The following ZBTB20 variants were observed in gnomAD, a reference collection of about 807,000 sequenced individuals.
ZBTB20 encodes zinc finger and BTB domain-containing protein 20.
In ZBTB20, 9 loss-of-function variants were observed where a neutral mutation model predicts 56.9. The ratio of observed to expected loss-of-function variants is 0.16; its 90% confidence interval spans 0.10 to 0.28. The LOEUF (loss-of-function observed/expected upper bound fraction) is 0.28, where lower values mean the gene tolerates loss of function less well. Ranked by LOEUF, ZBTB20 falls within the 10% of genes least tolerant of loss-of-function variation. The pLI, the probability that ZBTB20 is intolerant of heterozygous loss-of-function variation, is 1.00. For missense variants in ZBTB20, 655 were observed against 1,003.0 expected, an observed-to-expected ratio of 0.65 and a Z score of 4.69; for synonymous variants, 417 against 420.7, an observed-to-expected ratio of 0.99 and a Z score of 0.11.
intron 5 of ZBTB20, among the ~76,000 whole-genome samples, chr3:114,722,895 CATT>C (rs1178240267): frequency 3.3e-5 from 5 of 152,182 alleles, no homozygotes; most frequent in Non-Finnish European, 7.3e-5. Context: ...TATATTATGA[CATT>C]ATAGCAAAGA....
intron 6 of ZBTB20, among the ~76,000 whole-genome samples, chr3:114,659,440 C>T (rs1421553858): frequency 6.6e-6 from 1 of 152,154 alleles, no homozygotes; most frequent in Admixed American, 6.6e-5. Flanking sequence ...TCTGACAGAC[C>T]AGCTGCATCA....
At chr3:115,016,476 G>T (rs191630972) in intron 2 of ZBTB20, among the ~76,000 whole-genome samples, 1 of 151,672 alleles carries the variant, frequency 6.6e-6, no homozygotes, top group East Asian at 2.0e-4. Flanking sequence ...ATCCATCTTG[G>T]GTTAATTTTT....
chr3:114,863,934 C>T (rs1258655892), intron 4 of ZBTB20, among the ~76,000 whole-genome samples: 1 of 151,958 alleles, frequency 6.6e-6, no homozygotes, highest in Non-Finnish European at 1.5e-5. Flanking sequence ...TTTCTTCTTC[C>T]TCTAAAAATG....
chr3:114,350,077 G>A (rs1002102429), intron 11 of ZBTB20, among the ~76,000 whole-genome samples, 197 bp downstream of exon 11: 4 of 152,096 alleles, frequency 2.6e-5, no homozygotes, highest in South Asian at 2.1e-4. Context: ...TTCCTGTGAC[G>A]GTGTCTCTTG....
chr3:114,994,417 C>A (rs1218549796), intron 2 of ZBTB20, among the ~76,000 whole-genome samples: 2 of 151,764 alleles, frequency 1.3e-5, no homozygotes, highest in African/African-American at 4.8e-5. Flanking sequence ...AAATAAATAT[C>A]CAAACTTCAC....
In ZBTB20 at chr3:114,594,312, G is replaced by A. The variant is rs192616685; in HGVS notation, c.-294-93921C>T. 4.2e-3 allele frequency among the ~76,000 whole-genome samples: 621 copies of A among 148,592 alleles called. 3 individuals are homozygous for A. Among genetic ancestry groups the A allele is most frequent in the Non-Finnish European group, 7.5e-3 (508 of 67,518 alleles). ...AGATAGAGTCTTGCTCTGTCACCAGGCTGGAGTGCAGTGGTGCGATCTCAG... is the reference window on the plus strand; with the variant it reads ...AGATAGAGTCTTGCTCTGTCACCAGACTGGAGTGCAGTGGTGCGATCTCAG... On this transcript the variant is annotated intron_variant, in intron 6 of 11. Transcript: ENST00000675478.
At chr3:114,906,797 A>G (rs1335725578) in intron 3 of ZBTB20, among the ~76,000 whole-genome samples, 1 of 151,728 alleles carries the variant, frequency 6.6e-6, no homozygotes, top group Non-Finnish European at 1.5e-5. Context: ...AAGGGCTTAA[A>G]TGCAGAGAAA....
chr3:115,088,968 C>A (rs1020927203), intron 1 of ZBTB20, among the ~76,000 whole-genome samples: 3 of 151,950 alleles, frequency 2.0e-5, no homozygotes, highest in African/African-American at 7.2e-5. Flanking sequence ...AAAGATTATT[C>A]ACTTCAACTG....
intron 6 of ZBTB20, among the ~76,000 whole-genome samples, chr3:114,527,874 A>G (rs1431596793): frequency 1.3e-5 from 2 of 152,176 alleles, no homozygotes; most frequent in African/African-American, 2.4e-5. Flanking sequence ...TGTACACAGT[A>G]GAGTTTTCAT....
chr3:114,666,802 T>TA (rs2061081623), intron 6 of ZBTB20, among the ~76,000 whole-genome samples: 1 of 151,984 alleles, frequency 6.6e-6, no homozygotes, highest in Non-Finnish European at 1.5e-5. Flanking sequence ...GAGGTTCCCT[T>TA]TAGAGATAGG....
At chr3:114,542,088 T>C (rs1031435939) in intron 6 of ZBTB20, among the ~76,000 whole-genome samples, 1 of 152,178 alleles carries the variant, frequency 6.6e-6, no homozygotes, top group African/African-American at 2.4e-5. Flanking sequence ...CCTAGAATTA[T>C]TTTTTTCACA....
intron 6 of ZBTB20, among the ~76,000 whole-genome samples, chr3:114,685,611 C>A (rs150418615): frequency 2.0e-5 from 3 of 152,178 alleles, no homozygotes; most frequent in Non-Finnish European, 4.4e-5. Flanking sequence ...TATGTAGGAA[C>A]GCTGTCTTGC....
chr3:115,035,544 A>ACACACAC (rs2080878359), intron 2 of ZBTB20, among the ~76,000 whole-genome samples: 1 of 147,858 alleles, frequency 6.8e-6, no homozygotes, highest in African/African-American at 2.5e-5. Context: ...GCTACTATCA[A>ACACACAC]ACACACACAC....
chr3:115,110,008 G>A (rs1303463833), intron 1 of ZBTB20, among the ~76,000 whole-genome samples: 1 of 152,030 alleles, frequency 6.6e-6, no homozygotes, highest in African/African-American at 2.4e-5. Context: ...TCAAGAGTTC[G>A]CAACCAGCCT....
At chr3:114,874,242 T>A (rs555896017) in intron 4 of ZBTB20, 18 of 152,286 alleles carry the variant, frequency 1.2e-4, no homozygotes, top group East Asian at 7.7e-4. Context: ...AAACATTTTT[T>A]AAAAAAATGA....
chr3:115,056,270 T>C (rs2108456492), intron 2 of ZBTB20, among the ~76,000 whole-genome samples: 1 of 152,214 alleles, frequency 6.6e-6, no homozygotes, highest in East Asian at 1.9e-4. Flanking sequence ...GAAAAAGTCA[T>C]GGGTATCACT....
intron 5 of ZBTB20, among the ~76,000 whole-genome samples, chr3:114,705,205 A>G (rs1224417317): frequency 6.6e-6 from 1 of 152,046 alleles, no homozygotes; most frequent in Non-Finnish European, 1.5e-5. Flanking sequence ...CCTCACCACC[A>G]CAGCCTGATA....
rs574494106 is a variant in ZBTB20, at chr3:114,857,019, G to A, written c.-417+43285C>T. Among the ~76,000 whole-genome samples the A allele has an allele frequency of 5.9e-5, 9 of 152,230 alleles. No homozygotes were observed. The South Asian group carries it at 1.9e-3, about 32-fold the overall frequency. On this transcript the variant is annotated intron_variant, in intron 4 of 11. Coordinates refer to ENST00000675478, the MANE Select transcript of ZBTB20 (RefSeq NM_001348800.3). The stretch of plus-strand genomic sequence containing the variant: ...AGTCACTGGTTTGTTGAGATACCAA[G>A]CTAGATTGATTGCAGGCCTATTTCC...
At chr3:114,744,815 G>A (rs1306088137) in intron 5 of ZBTB20, among the ~76,000 whole-genome samples, 3 of 151,960 alleles carry the variant, frequency 2.0e-5, no homozygotes, top group Non-Finnish European at 4.4e-5. Flanking sequence ...TATTCTTGCT[G>A]TCTTCTCACT....
Sources: allele counts gnomAD v4.1 joint callset (sites outside exome capture counted in the v4.1 genomes callset), GRCh38; gene constraint gnomAD v4.1.1; transcripts MANE v1.5; gene names NCBI Gene and HGNC (gene_info 2026-07-23, HGNC 2026-07-21).